The following MAGI1 variants were observed in gnomAD, a reference collection of about 807,000 sequenced individuals.
The protein encoded by MAGI1 is membrane-associated guanylate kinase, WW and PDZ domain-containing protein 1.
MAGI1 carries 58 observed loss-of-function variants against 139.9 expected under a neutral mutation model. That is an observed-to-expected ratio of 0.41 (90% CI 0.34 to 0.52). The LOEUF (loss-of-function observed/expected upper bound fraction) is 0.52. Among genes scored for constraint, MAGI1 ranks in the 20% least tolerant of loss-of-function variants. MAGI1 has a pLI of 0.12. For synonymous variants in MAGI1, 812 were observed against 737.9 expected (o/e 1.10, Z -1.63); for missense variants, 1,874 against 1,901.6 (o/e 0.99, Z 0.27).
intron 9 of MAGI1, 132 bp downstream of exon 9, chr3:65,439,747 G>A: frequency 2.0e-6 from 3 of 1,534,320 alleles, no homozygotes; most frequent in Non-Finnish European, 2.6e-6. Context: ...CTCCCCACAG[G>A]ACATCAGCTC....
At chr3:65,806,532 G>A (rs370813670) in intron 1 of MAGI1, among the ~76,000 whole-genome samples, 6 of 152,204 alleles carry the variant, frequency 3.9e-5, no homozygotes, top group East Asian at 1.9e-4. Context: ...TTTTCTGTAC[G>A]TCACTTTCCA....
In MAGI1 at chr3:65,359,583, G is replaced by A. The variant is rs997207677; in HGVS notation, c.3634+1616C>T. 2.3e-5 allele frequency: 23 copies of A among 995,758 alleles called. No individual in the cohort carries two copies. The South Asian group carries it at 1.0e-3, about 44-fold the overall frequency. The allele number at this position is 995,758 out of a possible 1,614,324, so 61.7% of individuals were successfully genotyped here. A position where few individuals can be genotyped will look rare whatever the true frequency, so the allele number is the denominator to read the frequency against. Reference sequence around the variant, plus strand: ...AACTCATTACAAAAATAGCCTCACAGAGAAGCAGGTTCCAATCAAGTCAGA... The same window carrying A: ...AACTCATTACAAAAATAGCCTCACAAAGAAGCAGGTTCCAATCAAGTCAGA... On this transcript the variant is annotated intron_variant, in intron 22 of 22. Transcript: ENST00000402939.
At chr3:65,479,508 T>C (rs963407405) in intron 3 of MAGI1, among the ~76,000 whole-genome samples, 4 of 152,182 alleles carry the variant, frequency 2.6e-5, no homozygotes, top group African/African-American at 7.2e-5. Context: ...TGTACATAAA[T>C]AGATTTTTAC....
intron 1 of MAGI1, among the ~76,000 whole-genome samples, chr3:65,821,086 G>A (rs2041925935): frequency 1.3e-5 from 2 of 151,966 alleles, no homozygotes; most frequent in South Asian, 2.1e-4. Flanking sequence ...GGAGGCTCTT[G>A]GGGGAAGACA....
At chr3:65,598,578 T>C (rs1207114118) in intron 2 of MAGI1, among the ~76,000 whole-genome samples, 1 of 152,202 alleles carries the variant, frequency 6.6e-6, no homozygotes, top group Non-Finnish European at 1.5e-5. Context: ...ATAAAGACGA[T>C]GGAGTGGCTT....
chr3:66,013,438 T>G (rs915156037), intron 1 of MAGI1, among the ~76,000 whole-genome samples: 2 of 143,494 alleles, frequency 1.4e-5, no homozygotes, highest in Non-Finnish European at 3.0e-5. Flanking sequence ...AAAAAGAACT[T>G]CAATCCAACT....
chr3:65,658,822 AAGCACAAT>A (rs1368762350), intron 1 of MAGI1, among the ~76,000 whole-genome samples: 2 of 152,182 alleles, frequency 1.3e-5, no homozygotes, highest in Non-Finnish European at 2.9e-5. Flanking sequence ...AATAAGTGCA[AAGCACAAT>A]ATTGTGTCCA....
chr3:65,898,297 AAATAAAAGG>A (rs2061068977), intron 1 of MAGI1, among the ~76,000 whole-genome samples: 1 of 152,186 alleles, frequency 6.6e-6, no homozygotes, highest in South Asian at 2.1e-4. Context: ...TGAACACTTT[AAATAAAAGG>A]CGGCTGGGTA....
intron 1 of MAGI1, among the ~76,000 whole-genome samples, chr3:65,940,655 G>T (rs528226164): frequency 5.3e-5 from 8 of 152,188 alleles, no homozygotes; most frequent in Non-Finnish European, 7.4e-5. Context: ...TATAACACGG[G>T]TCCCATTACT....
intron 1 of MAGI1, among the ~76,000 whole-genome samples, chr3:65,841,607 G>C (rs1303455237): frequency 6.6e-6 from 1 of 151,592 alleles, no homozygotes; most frequent in African/African-American, 2.4e-5. Flanking sequence ...TTTGTATTTT[G>C]AGTAGAGACG....
At chr3:65,853,406 T>C (rs890797449) in intron 1 of MAGI1, among the ~76,000 whole-genome samples, 1 of 152,210 alleles carries the variant, frequency 6.6e-6, no homozygotes, top group Non-Finnish European at 1.5e-5. Flanking sequence ...AAAGATAAGA[T>C]CTTAATTCAT....
chr3:65,920,779 C>T (rs2062138538), intron 1 of MAGI1, among the ~76,000 whole-genome samples: 1 of 152,092 alleles, frequency 6.6e-6, no homozygotes, highest in South Asian at 2.1e-4. Flanking sequence ...GCCTGTAATC[C>T]CAGCACTTTG....
At chr3:65,428,646 G>A (rs1947245453) in intron 12 of MAGI1, among the ~76,000 whole-genome samples, 1 of 152,186 alleles carries the variant, frequency 6.6e-6, no homozygotes, top group South Asian at 2.1e-4. Flanking sequence ...GTTAAATGCT[G>A]GGGATAACAG....
At chr3:65,849,502 TATATATATCATCAAATATAC>T (rs1328075986) in intron 1 of MAGI1, among the ~76,000 whole-genome samples, 3 of 143,620 alleles carry the variant, frequency 2.1e-5, no homozygotes, top group Non-Finnish European at 3.1e-5. Context: ...AATATACATA[TATATATATCATCAAATATAC>T]ATATATATCA....
In MAGI1 at chr3:65,686,518, C is replaced by T. The variant is rs2088046481; in HGVS notation, c.314-64430G>A. Among the ~76,000 whole-genome samples, 3 of 152,128 alleles carry T rather than the reference C, an allele frequency of 2.0e-5. 1 individual carries two copies. In the South Asian group the frequency reaches 6.2e-4, roughly 32 times the overall value. ...GTGTTAGCCAGGATGGTCTCGATCT[C>T]CTGACCTCATGATACTCCCGCCTTG... On this transcript the variant is annotated intron_variant, in intron 1 of 22. Transcript: ENST00000402939.
At chr3:65,824,315 C>T (rs2042109785) in intron 1 of MAGI1, among the ~76,000 whole-genome samples, 1 of 152,142 alleles carries the variant, frequency 6.6e-6, no homozygotes, top group Non-Finnish European at 1.5e-5. Flanking sequence ...AATAGTAGGG[C>T]TTGCTTTCAC....
chr3:65,851,636 C>A (rs1213409000), intron 1 of MAGI1, among the ~76,000 whole-genome samples: 3 of 152,068 alleles, frequency 2.0e-5, no homozygotes, highest in African/African-American at 4.8e-5. Flanking sequence ...GTCATCCCAG[C>A]TACTCAGGAG....
intron 1 of MAGI1, among the ~76,000 whole-genome samples, chr3:65,637,963 T>C (rs574256983): frequency 1.3e-5 from 2 of 152,274 alleles, no homozygotes; most frequent in East Asian, 3.9e-4. Context: ...GAATAGAGTC[T>C]CTTGGACTAC....
chr3:65,938,051 G>A (rs2063146799), intron 1 of MAGI1, among the ~76,000 whole-genome samples: 1 of 151,856 alleles, frequency 6.6e-6, no homozygotes, highest in Admixed American at 6.6e-5. Flanking sequence ...CCATATTATG[G>A]GTCAATATGA....
Sources: gnomAD v4.1 joint callset for allele counts (sites outside exome capture counted in the v4.1 genomes callset) on GRCh38, gnomAD v4.1.1 for gene constraint, MANE v1.5 for transcripts, NCBI Gene and HGNC (gene_info 2026-07-23, HGNC 2026-07-21) for gene names.